DUSP8: variants seen among roughly 807,000 people sequenced by gnomAD.
DUSP8 encodes dual specificity phosphatase 8, also known as dual specificity protein phosphatase 8.
In DUSP8, 15 loss-of-function variants were observed where a neutral mutation model predicts 38.7. The ratio of observed to expected loss-of-function variants is 0.39; its 90% CI spans 0.26 to 0.60. The LOEUF (loss-of-function observed/expected upper bound fraction) is 0.60, where lower values mean the gene tolerates loss of function less well. Among genes scored for constraint, DUSP8 ranks in the 20% least tolerant of loss-of-function variants. The pLI is 0.56. For missense variants in DUSP8, 768 were observed against 915.0 expected, an observed-to-expected ratio of 0.84 and a Z score of 2.07; for synonymous variants, 458 against 433.9, an observed-to-expected ratio of 1.06 and a Z score of -0.69.
At position 1,556,401 on chromosome 11, in the gene DUSP8, A is replaced by T; in HGVS notation, c.*117T>A. 1 of 1,204,754 alleles carries T rather than the reference A, an allele frequency of 8.3e-7. No homozygotes were observed. The highest frequency in any genetic ancestry group is 3.2e-5 in the East Asian group (1 of 31,502). 74.6% of individuals were successfully genotyped at this position (1,204,754 alleles called of 1,614,324 possible). A position where few individuals can be genotyped will look rare whatever the true frequency, so the allele number is the denominator to read the frequency against. On this transcript the variant is annotated 3_prime_UTR_variant, in exon 7 of 7. Coordinates refer to ENST00000397374, the MANE Select transcript of DUSP8 (RefSeq NM_004420.3). The surrounding 1 kb of genome is among the most constrained non-coding windows in gnomAD (Gnocchi z 5.2). ...ACAGCTTAAATAAATAAAAAATCGA[A>T]ATATTTACTTCTCGATAAAAATCCC...
In DUSP8 at chr11:1,557,752, C is replaced by T. The variant is rs747250242; in HGVS notation, c.821+42G>A. On this transcript the variant is annotated intron_variant, in intron 6 of 6. Transcript: ENST00000397374. The surrounding 1 kb of genome is among the most constrained non-coding windows in gnomAD (Gnocchi z 9.9). Reference sequence around the variant, plus strand: ...AAGTGGGCAGCCGGGGGAAGGGAAGCGACGCTGTGAGCCACAAGTGCGCGA... The same window carrying T: ...AAGTGGGCAGCCGGGGGAAGGGAAGTGACGCTGTGAGCCACAAGTGCGCGA... The T allele has an allele frequency of 9.9e-6, 16 of 1,609,972 alleles. 1 individual carries two copies. The highest frequency in any genetic ancestry group is 8.0e-5 in the African/African-American group (6 of 74,850).
In DUSP8 at chr11:1,572,268, G is replaced by A. The variant is rs926763723; in HGVS notation, c.-476C>T. 2.0e-5 allele frequency among the ~76,000 whole-genome samples: 3 copies of A among 148,640 alleles called. No homozygotes were observed. Among genetic ancestry groups the A allele is most frequent in the African/African-American group, 7.3e-5 (3 of 40,892 alleles). On this transcript the variant is annotated 5_prime_UTR_variant, in exon 1 of 7. Coordinates refer to ENST00000397374, the MANE Select transcript of DUSP8 (RefSeq NM_004420.3). This position sits in a 1 kb window ranked among gnomAD's most constrained non-coding sequence, Gnocchi z 4.7. ...CGGCTCGGCCGCCGCGCTCGGCCGC[G>A]AGTGACAGGCCCGGGGCGGAGGGCG...
rs374767363 is a variant in DUSP8, at chr11:1,566,756, G to T, written c.-108-822C>A. On this transcript the variant is annotated intron_variant, in intron 1 of 6. Coordinates refer to ENST00000397374, the MANE Select transcript of DUSP8 (RefSeq NM_004420.3). ...GATAGGGCCCAGGATGGGAGGGGCG[G>T]GGCAGCCCTGGGAGGAGGGTCAGTG... Among the ~76,000 whole-genome samples, 58 of 152,280 alleles carry T rather than the reference G, an allele frequency of 3.8e-4. 1 individual carries two copies. In the South Asian group the frequency reaches 0.011, roughly 30 times the overall value.
Position 1,556,412 on chromosome 11 carries a change from C to A in DUSP8, c.*106G>T, listed in dbSNP as rs1441699920. On this transcript the variant is annotated 3_prime_UTR_variant, in exon 7 of 7. Transcript: ENST00000397374. This position sits in a 1 kb window ranked among gnomAD's most constrained non-coding sequence, Gnocchi z 5.2. ...AAATAAAAAATCGAAATATTTACTT[C>A]TCGATAAAAATCCCAGTAAAACCAT... The A allele has an allele frequency of 4.1e-6, 5 of 1,215,072 alleles. No individual in the cohort carries two copies. In the African/African-American group the frequency reaches 6.2e-5, roughly 15 times the overall value. 75.3% of individuals were successfully genotyped at this position (1,215,072 alleles called of 1,614,324 possible).
chr11:1,565,538 G>C lies in DUSP8; in HGVS notation c.231+58C>G, dbSNP rs1031785107. The C allele has an allele frequency of 1.3e-5, 18 of 1,390,514 alleles. No individual in the cohort carries two copies. The Admixed American group carries it at 3.3e-4, about 26-fold the overall frequency. 86.1% of individuals were successfully genotyped at this position (1,390,514 alleles called of 1,614,324 possible). A position where few individuals can be genotyped will look rare whatever the true frequency, so the allele number is the denominator to read the frequency against. On this transcript the variant is annotated intron_variant, in intron 2 of 6. Transcript: ENST00000397374. ...GAGGGGGGTGCTGCCCGAGCTGAGGGCCCCTTAGCTGTGGACCCTGGACGT... is the reference window on the plus strand; with the variant it reads ...GAGGGGGGTGCTGCCCGAGCTGAGGCCCCCTTAGCTGTGGACCCTGGACGT...
chr11:1,554,792 TA>T lies in DUSP8; in HGVS notation c.*1725del. The T allele has an allele frequency of 1.9e-6, 1 of 516,386 alleles. No homozygotes were observed. 32.0% of individuals were successfully genotyped at this position (516,386 alleles called of 1,614,324 possible). The stretch of plus-strand genomic sequence containing the variant: ...CAGACATATGGGAGGCAAATTTACA[TA>T]ATTAATAATAATTAACCAATAATAA... On this transcript the variant is annotated 3_prime_UTR_variant, in exon 7 of 7. Coordinates refer to ENST00000397374, the MANE Select transcript of DUSP8 (RefSeq NM_004420.3).
rs150268024 is a variant in DUSP8, at chr11:1,568,485, C to T, written c.-108-2551G>A. Among the ~76,000 whole-genome samples, 352 of 152,264 alleles carry T rather than the reference C, an allele frequency of 2.3e-3. 3 individuals carry two copies. Among genetic ancestry groups the T allele is most frequent in the African/African-American group, 8.1e-3 (337 of 41,546 alleles). On this transcript the variant is annotated intron_variant, in intron 1 of 6. Coordinates refer to ENST00000397374, the MANE Select transcript of DUSP8 (RefSeq NM_004420.3). ...CCCACAATAGTATTGTTATTTGCAG[C>T]CGAAGGGGATTCATTAGCAAGTTAG... is the stretch of plus-strand genomic sequence containing the variant.
chr11:1,557,526 C>A lies in DUSP8; in HGVS notation c.870G>T (p.Leu290=). The change falls in exon 7 of 7, where the codon CTG becomes CTT. Residue 290 remains leucine, a synonymous_variant. Coordinates refer to ENST00000397374, the MANE Select transcript of DUSP8 (RefSeq NM_004420.3). This position sits in a 1 kb window ranked among gnomAD's most constrained non-coding sequence, Gnocchi z 9.9. The stretch of plus-strand genomic sequence containing the variant: ...TGCGCTCGTACTCCAGCAGCTGGCC[C>A]AGGAAGTTGAAGTTGGGCGAGATGG... The part of the protein sequence containing the change: ...RPSISPNFNF[L]GQLLEYERSL... The A allele has an allele frequency of 6.3e-7, 1 of 1,591,666 alleles. No individual in the cohort carries two copies.
At chr11:1,561,550 C>T (rs1044403827) in intron 3 of DUSP8, among the ~76,000 whole-genome samples, 6 of 152,242 alleles carry the variant, frequency 3.9e-5, no homozygotes, top group Non-Finnish European at 7.4e-5. Context: ...TGCCCCCCAA[C>T]ATCGTGAGCA....
intron 1 of DUSP8, among the ~76,000 whole-genome samples, chr11:1,569,840 G>A (rs542391872): frequency 5.9e-5 from 9 of 152,136 alleles, no homozygotes; most frequent in African/African-American, 1.7e-4. Flanking sequence ...GGAGCTGTCC[G>A]GCTCACTGTT....
Position 1,555,242 on chromosome 11 carries a change from G to A in DUSP8, c.*1276C>T, listed in dbSNP as rs1848603801. 4 of 987,812 alleles carry A rather than the reference G, an allele frequency of 4.0e-6. No homozygotes were observed. The highest frequency in any genetic ancestry group is 3.6e-6 in the Non-Finnish European group (3 of 830,206). 61.2% of individuals were successfully genotyped at this position (987,812 alleles called of 1,614,324 possible). ...TGTTTGGGGGCTGGCATGCCACCTA[G>A]AGAGAGAGCACCCTGGGAAAGGGGT... On this transcript the variant is annotated 3_prime_UTR_variant, in exon 7 of 7. Coordinates refer to ENST00000397374, the MANE Select transcript of DUSP8 (RefSeq NM_004420.3).
intron 3 of DUSP8, 188 bp from the exon 4 acceptor site, chr11:1,559,243 G>C (rs1848682728): frequency 1.8e-6 from 1 of 551,774 alleles, no homozygotes. Flanking sequence ...GGGGGGAGGG[G>C]GTACTGCCAC....
chr11:1,563,779 T>TGCCCCA (rs772858992), intron 3 of DUSP8, 72 bp downstream of exon 3: 6 of 1,407,008 alleles, frequency 4.3e-6, no homozygotes, highest in African/African-American at 1.5e-5. Context: ...ACCTCCCTGA[T>TGCCCCA]GCCCCAGCCC....
intron 1 of DUSP8, among the ~76,000 whole-genome samples, chr11:1,568,461 C>T (rs540877463): frequency 2.0e-4 from 31 of 152,276 alleles, no homozygotes; most frequent in African/African-American, 7.2e-4. Context: ...GGCCTATCAC[C>T]CACAATAGTA....
Position 1,558,676 on chromosome 11 carries a change from C to CGGGCCCTCCCGCAAGCCCTGCT in DUSP8, c.537+191_537+212dup, listed in dbSNP as rs1564932988. ...TCCCCGCTCCTCCCCCGAGCCCTGC[C>CGGGCCCTCCCGCAAGCCCTGCT]GGGCCCTCCCGCAAGCCCTGCTGTG... On this transcript the variant is annotated intron_variant, in intron 4 of 6. Transcript: ENST00000397374. This position sits in a 1 kb window ranked among gnomAD's most constrained non-coding sequence, Gnocchi z 6.3. 2.6e-5 allele frequency among the ~76,000 whole-genome samples: 4 copies of CGGGCCCTCCCGCAAGCCCTGCT among 152,146 alleles called. No individual in the cohort carries two copies. The highest frequency in any genetic ancestry group is 2.6e-4 in the Admixed American group (4 of 15,292).
chr11:1,572,582 C>G (rs1192778401), upstream of DUSP8, among the ~76,000 whole-genome samples: 1 of 151,714 alleles, frequency 6.6e-6, no homozygotes, highest in South Asian at 2.1e-4. This position sits in a 1 kb window ranked among gnomAD's most constrained non-coding sequence, Gnocchi z 4.7. Context: ...CCCAGGCCCC[C>G]CGTCACCCGG....
chr11:1,562,096 C>A lies in DUSP8; in HGVS notation c.370+1755G>T, dbSNP rs1848725545. Among the ~76,000 whole-genome samples the A allele has an allele frequency of 2.0e-5, 3 of 152,294 alleles. No individual in the cohort carries two copies. The South Asian group carries it at 6.2e-4, about 32-fold the overall frequency. On this transcript the variant is annotated intron_variant, in intron 3 of 6. Coordinates refer to ENST00000397374, the MANE Select transcript of DUSP8 (RefSeq NM_004420.3). ...CCCTGGGAGTGCCCTCCTGGCAAAT[C>A]CTAGCACAGGCCCGGCCCCTCCCAT... is the stretch of plus-strand genomic sequence containing the variant.
intron 1 of DUSP8, among the ~76,000 whole-genome samples, chr11:1,569,102 C>A (rs1590808950): frequency 6.6e-6 from 1 of 152,186 alleles, no homozygotes; most frequent in Non-Finnish European, 1.5e-5. Context: ...CCTTTCACGG[C>A]CCCACATGCC....
rs1564932435 is a variant in DUSP8 at position 1,557,602 on chromosome 11, C to CGCCCGCCGGG, written c.822-38_822-29dup. ...GCGGGGGAGGAGGCTCAGTCCCAGG[C>CGCCCGCCGGG]GCCCGCCGGGGCCAGGCTGCCCACC... On this transcript the variant is annotated intron_variant, in intron 6 of 6. Coordinates refer to ENST00000397374, the MANE Select transcript of DUSP8 (RefSeq NM_004420.3). This position sits in a 1 kb window ranked among gnomAD's most constrained non-coding sequence, Gnocchi z 9.9. 1 of 1,501,036 alleles carries CGCCCGCCGGG rather than the reference C, an allele frequency of 6.7e-7. No individual in the cohort carries two copies. Among genetic ancestry groups the CGCCCGCCGGG allele is most frequent in the East Asian group, 2.4e-5 (1 of 41,574 alleles). The allele number at this position is 1,501,036 out of a possible 1,614,324, so 93.0% of individuals were successfully genotyped here.
Sources: gnomAD v4.1 joint callset for allele counts (sites outside exome capture counted in the v4.1 genomes callset) on GRCh38, gnomAD v4.1.1 for gene constraint, Gnocchi (gnomAD v3.1) non-coding constraint, MANE v1.5 for transcripts, NCBI Gene and HGNC (gene_info 2026-07-23, HGNC 2026-07-21) for gene names.